XYLT1: variants seen among roughly 807,000 people sequenced by gnomAD.
The protein encoded by XYLT1 is beta-D-xylosyltransferase 1.
In XYLT1, 36 loss-of-function variants were observed where a neutral mutation model predicts 91.3. The ratio of observed to expected loss-of-function variants is 0.39; its 90% CI spans 0.30 to 0.52. The LOEUF (loss-of-function observed/expected upper bound fraction) is 0.52, where lower values mean the gene tolerates loss of function less well. Among genes scored for constraint, XYLT1 ranks in the 20% least tolerant of loss-of-function variants. The pLI is 0.68. For missense variants in XYLT1, 1,242 were observed against 1,284.5 expected, an observed-to-expected ratio of 0.97 and a Z score of 0.51; for synonymous variants, 588 against 532.0, an observed-to-expected ratio of 1.11 and a Z score of -1.45.
At chr16:17,132,732 G>T (rs2030540282) in intron 9 of XYLT1, among the ~76,000 whole-genome samples, 1 of 152,130 alleles carries the variant, frequency 6.6e-6, no homozygotes, top group African/African-American at 2.4e-5. Context: ...GTGAAATCCT[G>T]TCTCTACTAA....
At position 17,358,893 on chromosome 16, in the gene XYLT1, T is replaced by A. The variant is rs1403322544; in HGVS notation, c.364-843A>T. Among the ~76,000 whole-genome samples the A allele has an allele frequency of 2.6e-5, 4 of 152,096 alleles. No homozygotes were observed. In the East Asian group the frequency reaches 7.7e-4, roughly 29 times the overall value. On this transcript the variant is annotated intron_variant, in intron 1 of 11. Coordinates refer to ENST00000261381, the MANE Select transcript of XYLT1 (RefSeq NM_022166.4). ...CACATTCCATGGTCTGGGGAAGGTCTTTTTTTAGGATAGAGAAGGCCAGAG... is the reference window on the plus strand; with the variant it reads ...CACATTCCATGGTCTGGGGAAGGTCATTTTTTAGGATAGAGAAGGCCAGAG...
At chr16:17,249,050 C>T (rs998711216) in intron 3 of XYLT1, among the ~76,000 whole-genome samples, 1 of 152,096 alleles carries the variant, frequency 6.6e-6, no homozygotes, top group Non-Finnish European at 1.5e-5. Context: ...TCGTTTACCC[C>T]TGTGTTTCCC....
chr16:17,220,598 G>A (rs2032948874), intron 3 of XYLT1, among the ~76,000 whole-genome samples: 1 of 152,100 alleles, frequency 6.6e-6, no homozygotes, highest in South Asian at 2.1e-4. Flanking sequence ...TCAGCCTCCC[G>A]AGTAGCTGGG....
At chr16:17,192,586 C>G (rs990794216) in intron 5 of XYLT1, among the ~76,000 whole-genome samples, 3 of 152,150 alleles carry the variant, frequency 2.0e-5, no homozygotes, top group African/African-American at 7.2e-5. Context: ...TTGAAAGTAT[C>G]CATTTTCCAC....
At chr16:17,372,284 C>A (rs1209679573) in intron 1 of XYLT1, among the ~76,000 whole-genome samples, 1 of 152,178 alleles carries the variant, frequency 6.6e-6, no homozygotes, top group East Asian at 1.9e-4. Context: ...TTCTCAGGGA[C>A]AATTATCTTA....
chr16:17,113,542 G>C (rs1966846437), intron 11 of XYLT1, among the ~76,000 whole-genome samples: 1 of 152,172 alleles, frequency 6.6e-6, no homozygotes, highest in South Asian at 2.1e-4. Context: ...TCAGCAAATA[G>C]AATCTCTCTC....
At chr16:17,245,819 T>C (rs1028612163) in intron 3 of XYLT1, among the ~76,000 whole-genome samples, 7 of 152,180 alleles carry the variant, frequency 4.6e-5, no homozygotes, top group Non-Finnish European at 1.5e-5. Context: ...AACACAAATA[T>C]ACCACAGCAA....
intron 3 of XYLT1, among the ~76,000 whole-genome samples, chr16:17,203,925 TGAA>T (rs750981381): frequency 7.4e-4 from 113 of 152,382 alleles, no homozygotes; most frequent in Non-Finnish European, 1.4e-3. Flanking sequence ...GAATGTGTTC[TGAA>T]GAAGAGTGGC....
At chr16:17,124,114 C>A (rs2030173227) in intron 10 of XYLT1, among the ~76,000 whole-genome samples, 1 of 152,132 alleles carries the variant, frequency 6.6e-6, no homozygotes, top group South Asian at 2.1e-4. Flanking sequence ...AGCTTTTAGG[C>A]CATTTACATT....
intron 6 of XYLT1, among the ~76,000 whole-genome samples, chr16:17,158,571 T>C (rs1465728695): frequency 6.6e-6 from 1 of 152,218 alleles, no homozygotes; most frequent in African/African-American, 2.4e-5. Context: ...CAATGAGATA[T>C]TGGACTTGTG....
intron 8 of XYLT1, among the ~76,000 whole-genome samples, chr16:17,136,696 ATAT>A (rs1299571726): frequency 3.3e-5 from 5 of 151,922 alleles, no homozygotes; most frequent in African/African-American, 1.2e-4. Context: ...GCACGTTACC[ATAT>A]TATTCTTTCT....
chr16:17,211,042 C>A (rs2032746876), intron 3 of XYLT1, among the ~76,000 whole-genome samples: 1 of 152,178 alleles, frequency 6.6e-6, no homozygotes, highest in Non-Finnish European at 1.5e-5. Context: ...AGCAAGATTT[C>A]CACTTATGGC....
chr16:17,362,242 CT>C lies in XYLT1; in HGVS notation c.364-4193del, dbSNP rs925802006. ...GTACCACCTTAACAAATACCGTAAT[CT>C]TTTTTTTTTTACCATCTGTCTTTTT... On this transcript the variant is annotated intron_variant, in intron 1 of 11. Coordinates refer to ENST00000261381, the MANE Select transcript of XYLT1 (RefSeq NM_022166.4). Among the ~76,000 whole-genome samples, 220 of 147,970 alleles carry C rather than the reference CT, an allele frequency of 1.5e-3. 2 individuals carry two copies. The highest frequency in any genetic ancestry group is 0.013 in the South Asian group (62 of 4,696).
chr16:17,327,362 T>C (rs1247230479), intron 2 of XYLT1, among the ~76,000 whole-genome samples: 52 of 18,858 alleles, frequency 2.8e-3, no homozygotes, highest in Middle Eastern at 0.05. Context: ...TTCTTTTTTC[T>C]TTTTTTTTTT....
At chr16:17,171,915 AG>A (rs939132235) in intron 5 of XYLT1, among the ~76,000 whole-genome samples, 1 of 152,266 alleles carries the variant, frequency 6.6e-6, no homozygotes, top group African/African-American at 2.4e-5. Flanking sequence ...TAGGAGAGGA[AG>A]GAGGCTGGCA....
intron 3 of XYLT1, among the ~76,000 whole-genome samples, chr16:17,217,385 A>G (rs994013475): frequency 7.9e-5 from 12 of 152,244 alleles, no homozygotes; most frequent in Admixed American, 5.9e-4. Context: ...AAAAACCCAG[A>G]TATTAGTGCC....
intron 11 of XYLT1, among the ~76,000 whole-genome samples, chr16:17,112,072 A>G (rs1002582653): frequency 6.6e-6 from 1 of 152,186 alleles, no homozygotes; most frequent in Admixed American, 6.5e-5. Flanking sequence ...CAAAGGGAAA[A>G]GAGCAGCTAA....
At chr16:17,373,147 G>A (rs2035557474) in intron 1 of XYLT1, among the ~76,000 whole-genome samples, 1 of 152,050 alleles carries the variant, frequency 6.6e-6, no homozygotes, top group Admixed American at 6.6e-5. Flanking sequence ...ATTATTTTTT[G>A]TTTTGTTTCG....
rs1238746187 is a variant in XYLT1, at chr16:17,200,590, G to C, written c.978C>G (p.Val326=). The C allele has an allele frequency of 1.2e-6, 2 of 1,614,180 alleles. No individual in the cohort carries two copies. The highest frequency in any genetic ancestry group is 2.2e-5 in the South Asian group (2 of 91,078). Residue 326 remains valine, a synonymous_variant, in exon 4 of 12, where the codon GTC becomes GTG. Transcript: ENST00000261381. ...DSVEYMPANP[V]RIAFVLVVHG... ...GGACCACCAGGACAAAGGCGATTCT[G>C]ACCGGGTTGGCTGGCATGTACTCCA...
Sources: allele counts gnomAD v4.1 joint callset (sites outside exome capture counted in the v4.1 genomes callset), GRCh38; gene constraint gnomAD v4.1.1; transcripts MANE v1.5; gene names NCBI Gene and HGNC (gene_info 2026-07-23, HGNC 2026-07-21).